Variants in PPP4R3A observed in about 807,000 individuals in gnomAD.
The protein encoded by PPP4R3A is serine/threonine-protein phosphatase 4 regulatory subunit 3A.
A neutral mutation model predicts 91.7 loss-of-function variants in PPP4R3A; 15 were observed. That is an observed-to-expected ratio of 0.16 (90% CI 0.11 to 0.25). PPP4R3A has a LOEUF of 0.25. PPP4R3A is among the 10% of genes least tolerant of loss of function. The pLI is 1.00. For synonymous variants in PPP4R3A, 377 were observed against 348.7 expected (o/e 1.08, Z -0.91); for missense variants, 623 against 998.4 (o/e 0.62, Z 5.07).
At chr14:91,486,229 T>C (rs1889865893) in intron 2 of PPP4R3A, among the ~76,000 whole-genome samples, 1 of 148,296 alleles carries the variant, frequency 6.7e-6, no homozygotes, top group Admixed American at 7.0e-5. Flanking sequence ...CGTGAGCATT[T>C]ACCTATACAT....
rs777862008 is a variant in PPP4R3A, at chr14:91,476,502, C to A, written c.1016G>T (p.Cys339Phe). ...QELVNFLKEF[C>F]AFSQTLQPQN... ...AGGCTGTAGCGTTTGGGAAAACGCACAAAATTCTTTTAAAAAGTTAACCTG... is the reference window on the plus strand; with the variant it reads ...AGGCTGTAGCGTTTGGGAAAACGCAAAAAATTCTTTTAAAAAGTTAACCTG... Residue 339 changes from cysteine to phenylalanine, a missense_variant, in exon 6 of 15, where the codon TGT becomes TTT. By Grantham distance (205) the Cys-to-Phe change is radical. Around this residue, in one of 5 missense-constraint regions of PPP4R3A, gnomAD observed 264 missense variants for 377.3 expected, o/e 0.70. Transcript: ENST00000554943. 2 of 1,592,570 alleles carry A rather than the reference C, an allele frequency of 1.3e-6. No individual in the cohort carries two copies. The highest frequency in any genetic ancestry group is 1.2e-5 in the South Asian group (1 of 86,158).
intron 4 of PPP4R3A, among the ~76,000 whole-genome samples, 159 bp from the exon 5 acceptor site, chr14:91,477,145 C>T (rs2140103195): frequency 6.8e-6 from 1 of 147,310 alleles, no homozygotes; most frequent in Admixed American, 6.8e-5. Context: ...AAAAACCACA[C>T]TATTAAAGTA....
intron 1 of PPP4R3A, among the ~76,000 whole-genome samples, chr14:91,507,547 A>ATATAC (rs1891469753): frequency 3.3e-5 from 3 of 89,934 alleles, no homozygotes; most frequent in African/African-American, 4.5e-5. Context: ...TATATATTAT[A>ATATAC]TATAGTTATA....
chr14:91,482,309 A>T, intron 3 of PPP4R3A, 116 bp from the exon 4 acceptor site: 1 of 1,111,726 alleles, frequency 9.0e-7, no homozygotes, highest in Non-Finnish European at 1.2e-6. Context: ...GTCATTTTCA[A>T]GACAAAACTG....
At chr14:91,459,852 A>G (rs1888016014) in intron 14 of PPP4R3A, among the ~76,000 whole-genome samples, 1 of 151,130 alleles carries the variant, frequency 6.6e-6, no homozygotes, top group African/African-American at 2.4e-5. Flanking sequence ...AAAAAGTACC[A>G]AAATGAAAAC....
intron 1 of PPP4R3A, among the ~76,000 whole-genome samples, chr14:91,506,485 G>A (rs1157618264): frequency 6.6e-6 from 1 of 152,156 alleles, no homozygotes; most frequent in African/African-American, 2.4e-5. Context: ...GACAAGAAAT[G>A]TTAATCATCG....
At chr14:91,501,033 A>C (rs1890913426) in intron 1 of PPP4R3A, among the ~76,000 whole-genome samples, 2 of 152,134 alleles carry the variant, frequency 1.3e-5, no homozygotes, top group African/African-American at 4.8e-5. Flanking sequence ...CCCTGTCTCT[A>C]AAATTTAAAA....
At chr14:91,482,271 C>T (rs1889615969) in intron 3 of PPP4R3A, 78 bp from the exon 4 acceptor site, 10 of 1,423,222 alleles carry the variant, frequency 7.0e-6, no homozygotes, top group South Asian at 1.5e-5. Flanking sequence ...AAGATGAATA[C>T]TAGAAATGTT....
intron 11 of PPP4R3A, among the ~76,000 whole-genome samples, chr14:91,463,833 T>C (rs1888310606): frequency 6.6e-6 from 1 of 152,152 alleles, no homozygotes; most frequent in African/African-American, 2.4e-5. Context: ...TCACAGGGGT[T>C]TGGTGTATAG....
At position 91,509,764 on chromosome 14, in the gene PPP4R3A, C is replaced by A. The variant is rs1450481996; in HGVS notation, c.-117G>T. 8 of 1,298,966 alleles carry A rather than the reference C, an allele frequency of 6.2e-6. No homozygotes were observed. The highest frequency in any genetic ancestry group is 4.3e-5 in the Admixed American group (1 of 23,290). The allele number at this position is 1,298,966 out of a possible 1,614,324, so 80.5% of individuals were successfully genotyped here. On this transcript the variant is annotated 5_prime_UTR_variant, in exon 1 of 15. Coordinates refer to ENST00000554943, the MANE Select transcript of PPP4R3A (RefSeq NM_001366432.2). ...GCGAGCGGAGGGCTCCCCGGCCTCA[C>A]TGCCGCCGCTGGGCGCCGCGGGGCC...
chr14:91,493,773 CTTT>C (rs71120151), intron 1 of PPP4R3A, among the ~76,000 whole-genome samples: 10 of 119,820 alleles, frequency 8.3e-5, no homozygotes, highest in East Asian at 2.4e-4. Context: ...ATCAATATTA[CTTT>C]TTTTTTTTTT....
intron 9 of PPP4R3A, among the ~76,000 whole-genome samples, chr14:91,471,858 G>A (rs1888857631): frequency 1.3e-5 from 2 of 152,106 alleles, no homozygotes; most frequent in African/African-American, 4.8e-5. Context: ...GAGGCCAGGA[G>A]TTTGAGACCA....
chr14:91,490,898 TA>T (rs1890196885), intron 1 of PPP4R3A, 96 bp from the exon 2 acceptor site: 5 of 452,624 alleles, frequency 1.1e-5, no homozygotes, highest in East Asian at 4.7e-5. Context: ...AAAATAATAA[TA>T]ATTTTTTTTT....
chr14:91,497,341 T>TACACACACACACAC (rs10542688), intron 1 of PPP4R3A, among the ~76,000 whole-genome samples: 23 of 148,516 alleles, frequency 1.5e-4, no homozygotes, highest in East Asian at 4.0e-4. Flanking sequence ...ATCTTTTATT[T>TACACACACACACAC]ACACACACAC....
intron 2 of PPP4R3A, among the ~76,000 whole-genome samples, chr14:91,487,309 A>G (rs1889959349): frequency 6.6e-6 from 1 of 152,030 alleles, no homozygotes; most frequent in African/African-American, 2.4e-5. Flanking sequence ...ATAAATATAC[A>G]TACTGTTTGA....
At chr14:91,486,905 C>A (rs1471623881) in intron 2 of PPP4R3A, among the ~76,000 whole-genome samples, 940 of 86,512 alleles carry the variant, frequency 0.011, no homozygotes, top group Middle Eastern at 0.022. Flanking sequence ...ACTCTGTCTC[C>A]AAAAAAAAAA....
At chr14:91,461,046 C>T (rs1888122967) in intron 14 of PPP4R3A, among the ~76,000 whole-genome samples, 1 of 152,214 alleles carries the variant, frequency 6.6e-6, no homozygotes, top group East Asian at 1.9e-4. Context: ...AAGGCTTTAT[C>T]TGGGTATTAG....
At position 91,475,963 on chromosome 14, in the gene PPP4R3A, T is replaced by C. The variant is rs2140100407; in HGVS notation, c.1114A>G (p.Met372Val). 24 of 1,537,552 alleles carry C rather than the reference T, an allele frequency of 1.6e-5. No homozygotes were observed. The highest frequency in any genetic ancestry group is 2.1e-5 in the Non-Finnish European group (24 of 1,154,148). Residue 372 changes from methionine (M) to valine (V), a missense_variant, in exon 7 of 15, where the codon ATG (methionine) becomes GTG (valine). Physicochemically the swap from Met to Val is conservative, Grantham distance 21. This residue lies in a region of PPP4R3A where 264 missense variants were observed against 377.3 expected (regional missense o/e 0.70). Coordinates refer to ENST00000554943, the MANE Select transcript of PPP4R3A (RefSeq NM_001366432.2). ...GCACTTCGCACCTGTGTATCATCCATGCCCTGCAGACAAAAAACATTTATT... is the reference window on the plus strand; with the variant it reads ...GCACTTCGCACCTGTGTATCATCCACGCCCTGCAGACAAAAAACATTTATT... Reference protein sequence around the residue: ...ILPALEVILGMDDTQVRSAAT... With the variant: ...ILPALEVILGVDDTQVRSAAT...
At chr14:91,466,963 A>ACACACACACACACACACACACC (rs748633169) in intron 10 of PPP4R3A, among the ~76,000 whole-genome samples, 1 of 150,070 alleles carries the variant, frequency 6.7e-6, no homozygotes, top group African/African-American at 2.5e-5. Flanking sequence ...ACACACACAC[A>ACACACACACACACACACACACC]CCCCTCTTGT....
Sources: allele counts gnomAD v4.1 joint callset (sites outside exome capture counted in the v4.1 genomes callset), GRCh38; gene constraint gnomAD v4.1.1; regional missense constraint gnomAD v4.1.1; transcripts MANE v1.5; gene names NCBI Gene and HGNC (gene_info 2026-07-23, HGNC 2026-07-21).